Variants in PI4KA observed in about 807,000 individuals in gnomAD.
The protein encoded by PI4KA is phosphatidylinositol 4-kinase alpha, also known as PI4-kinase alpha.
PI4KA carries 122 observed loss-of-function variants against 271.4 expected under a neutral mutation model. The observed-to-expected ratio is 0.45, with a 90% CI of 0.39 to 0.52. The LOEUF (loss-of-function observed/expected upper bound fraction) is 0.52, where lower values mean the gene tolerates loss of function less well. Among genes scored for constraint, PI4KA ranks in the 20% least tolerant of loss-of-function variants. The pLI, the probability that PI4KA is intolerant of heterozygous loss-of-function variation, is 0.00. For synonymous variants in PI4KA, 1,041 were observed against 1,078.8 expected, an observed-to-expected ratio of 0.96 and a Z score of 0.69; for missense variants, 1,969 against 2,769.1, an observed-to-expected ratio of 0.71 and a Z score of 6.48.
At chr22:20,839,640 G>A (rs1925307086) in intron 1 of PI4KA, among the ~76,000 whole-genome samples, 1 of 152,160 alleles carries the variant, frequency 6.6e-6, no homozygotes, top group African/African-American at 2.4e-5. Context: ...GACCAGCTTG[G>A]CCAATACGGT....
intron 23 of PI4KA, among the ~76,000 whole-genome samples, chr22:20,760,969 C>T (rs1422411423): frequency 1.3e-5 from 2 of 152,166 alleles, no homozygotes; most frequent in Non-Finnish European, 2.9e-5. Context: ...CTGCTCCTGA[C>T]GTTTAAAAAC....
At chr22:20,716,502 C>T (rs1381609807) in intron 45 of PI4KA, among the ~76,000 whole-genome samples, 5 of 152,182 alleles carry the variant, frequency 3.3e-5, no homozygotes, top group African/African-American at 1.2e-4. Context: ...CCAAGCTTGG[C>T]CTTGCTGTGG....
intron 51 of PI4KA, 195 bp from the exon 52 acceptor site, chr22:20,711,053 G>A (rs1469900837): frequency 1.3e-5 from 8 of 603,376 alleles, no homozygotes; most frequent in Non-Finnish European, 1.8e-5. Context: ...GGGAGGAAGT[G>A]GAGGAAGGAG....
intron 19 of PI4KA, chr22:20,786,918 A>T (rs1476683742): frequency 6.2e-7 from 1 of 1,614,064 alleles, no homozygotes; most frequent in Non-Finnish European, 8.5e-7. Context: ...GAAGGCACCC[A>T]AGCCACCACT....
chr22:20,715,001 G>C (rs1175665499), intron 45 of PI4KA, among the ~76,000 whole-genome samples: 1 of 152,088 alleles, frequency 6.6e-6, no homozygotes, highest in Non-Finnish European at 1.5e-5. Flanking sequence ...TACTGCTTCT[G>C]GGGGTGCGTG....
intron 23 of PI4KA, among the ~76,000 whole-genome samples, chr22:20,756,638 ATT>A (rs368359062): frequency 2.7e-5 from 4 of 147,126 alleles, no homozygotes; most frequent in Non-Finnish European, 6.0e-5. Flanking sequence ...ATTAAAAAAA[ATT>A]TTTTTTTTGA....
At chr22:20,803,436 T>C (rs1351876419) in intron 12 of PI4KA, 116 bp from the exon 13 acceptor site, 2 of 1,251,456 alleles carry the variant, frequency 1.6e-6, no homozygotes, top group Non-Finnish European at 2.3e-6. Flanking sequence ...ACTTCGAAGG[T>C]CAAAGCTCCC....
chr22:20,783,880 A>G (rs1253973116), intron 19 of PI4KA: 2 of 1,553,000 alleles, frequency 1.3e-6, no homozygotes, highest in African/African-American at 2.7e-5. Context: ...TATCTGAATG[A>G]GGCCTCCAGG....
intron 19 of PI4KA, among the ~76,000 whole-genome samples, chr22:20,783,035 A>G (rs1333932995): frequency 6.6e-6 from 1 of 152,244 alleles, no homozygotes; most frequent in Non-Finnish European, 1.5e-5. Context: ...GGATAACAAA[A>G]CGCACACAAC....
At chr22:20,777,390 G>C (rs2147467809) in intron 19 of PI4KA, among the ~76,000 whole-genome samples, 1 of 152,094 alleles carries the variant, frequency 6.6e-6, no homozygotes, top group South Asian at 2.1e-4. Flanking sequence ...TAATTTTTTT[G>C]TATTTTTTGT....
intron 30 of PI4KA, among the ~76,000 whole-genome samples, chr22:20,743,198 T>A (rs1361117417): frequency 9.9e-5 from 15 of 152,178 alleles, no homozygotes; most frequent in Non-Finnish European, 2.1e-4. Flanking sequence ...CAGGTTGGAG[T>A]GCAGTGGCGT....
At chr22:20,765,532 C>G in intron 20 of PI4KA, 53 bp downstream of exon 20, 1 of 1,257,058 alleles carries the variant, frequency 8.0e-7, no homozygotes, top group Admixed American at 1.7e-5. Context: ...CTGACCTCAC[C>G]TTTACCTTCA....
intron 19 of PI4KA, among the ~76,000 whole-genome samples, chr22:20,780,557 C>G (rs1933693040): frequency 6.6e-6 from 1 of 152,094 alleles, no homozygotes; most frequent in African/African-American, 2.4e-5. Flanking sequence ...CACTTGAGGT[C>G]AGGAGTTCGA....
chr22:20,742,160 C>T (rs1929532637), intron 32 of PI4KA, 68 bp downstream of exon 32: 1 of 1,525,320 alleles, frequency 6.6e-7, no homozygotes, highest in African/African-American at 1.4e-5. Context: ...GGTGGCGGCA[C>T]CAGGGAAGGC....
At chr22:20,826,007 T>A (rs1012552368) in intron 3 of PI4KA, among the ~76,000 whole-genome samples, 2 of 152,146 alleles carry the variant, frequency 1.3e-5, no homozygotes, top group African/African-American at 4.8e-5. Context: ...CTGTGCTAAT[T>A]CTCCCATAAC....
At chr22:20,778,448 A>T (rs988255247) in intron 19 of PI4KA, among the ~76,000 whole-genome samples, 26 of 152,210 alleles carry the variant, frequency 1.7e-4, no homozygotes, top group Middle Eastern at 3.4e-3. Context: ...AAGTTGCAGT[A>T]AGCCGAGATC....
intron 17 of PI4KA, 156 bp downstream of exon 17, chr22:20,798,428 A>G: frequency 1.6e-6 from 1 of 624,048 alleles, no homozygotes; most frequent in Non-Finnish European, 2.9e-6. Context: ...TGGGGGCCAC[A>G]TTGGGTTTTC....
Position 20,729,355 on chromosome 22 carries a change from G to A in PI4KA, c.4640C>T (p.Ala1547Val), listed in dbSNP as rs781327704. Residue 1547 changes from alanine (A) to valine (V), a missense_variant, in exon 39 of 55, where the codon GCC (alanine) becomes GTC (valine). By Grantham distance (64) the Ala-to-Val change is moderately conservative (BLOSUM62 0). Coordinates refer to ENST00000255882, the MANE Select transcript of PI4KA (RefSeq NM_058004.4). The stretch of plus-strand genomic sequence containing the variant: ...GGCTAGGTAGGGAGAGATGCTCCAG[G>A]CGAGGTTCACGTTGTCCTTCCACTG... ...EKQWKDNVNL[A>V]WSISPYLAVQ... is the part of the protein sequence containing the mutation. The A allele has an allele frequency of 1.9e-6, 3 of 1,613,984 alleles. No individual in the cohort carries two copies. The highest frequency in any genetic ancestry group is 2.2e-5 in the South Asian group (2 of 91,080).
intron 2 of PI4KA, 141 bp from the exon 3 acceptor site, chr22:20,834,796 T>C (rs1440528737): frequency 1.5e-5 from 9 of 617,538 alleles, no homozygotes; most frequent in Non-Finnish European, 2.6e-5. Flanking sequence ...GTAAAGTGCA[T>C]GTAAATTCAC....
Sources: allele counts gnomAD v4.1 joint callset (sites outside exome capture counted in the v4.1 genomes callset), GRCh38; gene constraint gnomAD v4.1.1; transcripts MANE v1.5; gene names NCBI Gene and HGNC (gene_info 2026-07-23, HGNC 2026-07-21).